The following EPB41L4A variants were observed in gnomAD, a reference collection of about 807,000 sequenced individuals.
EPB41L4A encodes band 4.1-like protein 4A.
In EPB41L4A, 100 loss-of-function variants were observed where a neutral mutation model predicts 108.6. The observed-to-expected ratio is 0.92, with a 90% CI of 0.78 to 1.09. The LOEUF (loss-of-function observed/expected upper bound fraction) is 1.09, where lower values mean the gene tolerates loss of function less well. EPB41L4A is among the 50% of genes least tolerant of loss of function. The probability of loss-of-function intolerance (pLI) is 0.00; values close to 1 mark genes in which losing one functional copy is unlikely to be tolerated. For synonymous variants in EPB41L4A, 319 were observed against 289.0 expected (o/e 1.10, Z -1.05); for missense variants, 1,030 against 842.7 (o/e 1.22, Z -2.75).
chr5:112,174,547 G>A (rs967348786), intron 18 of EPB41L4A, among the ~76,000 whole-genome samples: 2 of 152,138 alleles, frequency 1.3e-5, no homozygotes, highest in Non-Finnish European at 2.9e-5. Flanking sequence ...TTAGTTTGAT[G>A]ACACATCATT....
intron 1 of EPB41L4A, among the ~76,000 whole-genome samples, chr5:112,324,574 T>G (rs1196166102): frequency 6.6e-6 from 1 of 151,702 alleles, no homozygotes; most frequent in Non-Finnish European, 1.5e-5. Context: ...AATACAAAAA[T>G]TAGCCAGGCG....
At chr5:112,305,783 T>A (rs901335494) in intron 2 of EPB41L4A, among the ~76,000 whole-genome samples, 3 of 152,158 alleles carry the variant, frequency 2.0e-5, no homozygotes, top group Non-Finnish European at 2.9e-5. Flanking sequence ...TTCATGTCAT[T>A]TGCACACCTG....
chr5:112,304,001 C>G (rs1241355911), intron 2 of EPB41L4A, among the ~76,000 whole-genome samples: 2 of 152,060 alleles, frequency 1.3e-5, no homozygotes, highest in Admixed American at 6.5e-5. Flanking sequence ...TAAGATCCAG[C>G]TCACAGACAC....
intron 12 of EPB41L4A, among the ~76,000 whole-genome samples, chr5:112,148,176 T>TATAATAATATAATAGTATTACTATATAAC (rs1759336376): frequency 2.0e-5 from 3 of 147,926 alleles, no homozygotes; most frequent in African/African-American, 7.4e-5. Context: ...TACTATATAA[T>TATAATAATATAATAGTATTACTATATAAC]ATAATAATAT....
chr5:112,148,099 T>C (rs1207506425), intron 12 of EPB41L4A, among the ~76,000 whole-genome samples: 2 of 147,696 alleles, frequency 1.4e-5, no homozygotes, highest in African/African-American at 4.9e-5. Flanking sequence ...TACTATAATA[T>C]AATAGTATTA....
At chr5:112,228,571 A>G (rs921444467) in intron 12 of EPB41L4A, 4 of 264,550 alleles carry the variant, frequency 1.5e-5, no homozygotes, top group African/African-American at 9.2e-5. Flanking sequence ...GCATCAGATA[A>G]TCAAAGCCTT....
chr5:112,351,021 G>C (rs1222377482), intron 1 of EPB41L4A, among the ~76,000 whole-genome samples: 1 of 152,078 alleles, frequency 6.6e-6, no homozygotes, highest in Non-Finnish European at 1.5e-5. Context: ...TCATATGGTA[G>C]TTCTATTTTT....
intron 17 of EPB41L4A, among the ~76,000 whole-genome samples, chr5:112,189,495 C>G (rs2150249013): frequency 6.6e-6 from 1 of 152,288 alleles, no homozygotes; most frequent in East Asian, 1.9e-4. Flanking sequence ...CACAAACATG[C>G]AGCCTGACAC....
At chr5:112,209,814 T>G in intron 13 of EPB41L4A, 78 bp downstream of exon 13, 1 of 831,002 alleles carries the variant, frequency 1.2e-6, no homozygotes, top group Non-Finnish European at 1.9e-6. Context: ...AGTTAAAAGA[T>G]TTTTAACCTT....
chr5:112,267,125 AT>A (rs1561525644), intron 4 of EPB41L4A, among the ~76,000 whole-genome samples: 1 of 152,140 alleles, frequency 6.6e-6, no homozygotes, highest in East Asian at 1.9e-4. Context: ...TTATTCAGCT[AT>A]TCTGCTAGTG....
At position 112,170,492 on chromosome 5, in the gene EPB41L4A, T is replaced by C. The variant is rs1159818047; in HGVS notation, c.1671-123A>G. 3 of 655,560 alleles carry C rather than the reference T, an allele frequency of 4.6e-6. No homozygotes were observed. The Admixed American group carries it at 9.5e-5, about 21-fold the overall frequency. The allele number at this position is 655,560 out of a possible 1,614,324, so 40.6% of individuals were successfully genotyped here. On this transcript the variant is annotated intron_variant, in intron 19 of 22. Transcript: ENST00000261486. ...CCCAAAACAGTGTTAGTAAAACTAA[T>C]GAAAATTTATAAAAACTAAACGTGT...
intron 1 of EPB41L4A, among the ~76,000 whole-genome samples, chr5:112,311,673 A>C (rs1474586267): frequency 6.6e-6 from 1 of 152,122 alleles, no homozygotes. Context: ...GCACTGCTGC[A>C]CCCCAGCCTG....
chr5:112,228,959 G>C (rs565472412), intron 12 of EPB41L4A, among the ~76,000 whole-genome samples: 1 of 152,290 alleles, frequency 6.6e-6, no homozygotes, highest in Non-Finnish European at 1.5e-5. Flanking sequence ...AAACACAATG[G>C]CTTTTTAGCT....
chr5:112,278,632 A>G (rs1229463324), intron 3 of EPB41L4A, among the ~76,000 whole-genome samples: 1 of 152,188 alleles, frequency 6.6e-6, no homozygotes, highest in Admixed American at 6.5e-5. Context: ...ATTTCATACC[A>G]TGTAAATAAG....
At chr5:112,213,330 T>C (rs892020031) in intron 12 of EPB41L4A, among the ~76,000 whole-genome samples, 1 of 148,426 alleles carries the variant, frequency 6.7e-6, no homozygotes, top group African/African-American at 2.5e-5. Context: ...TGTTCACTGT[T>C]AACATGTACA....
chr5:112,314,152 C>G (rs1755254139), intron 1 of EPB41L4A, among the ~76,000 whole-genome samples: 2 of 151,976 alleles, frequency 1.3e-5, no homozygotes, highest in South Asian at 4.1e-4. Flanking sequence ...GCCACCGCAC[C>G]TGGCCACCGT....
At chr5:112,213,422 C>T (rs1354910420) in intron 12 of EPB41L4A, among the ~76,000 whole-genome samples, 1 of 151,228 alleles carries the variant, frequency 6.6e-6, no homozygotes, top group Non-Finnish European at 1.5e-5. Context: ...GATCTCAGCT[C>T]ACTGCAACCT....
intron 13 of EPB41L4A, among the ~76,000 whole-genome samples, chr5:112,145,730 T>A (rs545962616): frequency 2.6e-5 from 4 of 152,170 alleles, no homozygotes; most frequent in Non-Finnish European, 5.9e-5. Flanking sequence ...CATCCCAAAT[T>A]TGATAAACGT....
chr5:112,240,457 C>T (rs554580197), intron 10 of EPB41L4A, among the ~76,000 whole-genome samples: 9 of 152,230 alleles, frequency 5.9e-5, no homozygotes, highest in African/African-American at 1.9e-4. Flanking sequence ...TTTACATAAA[C>T]CTAAAAAATA....
Sources: gnomAD v4.1 joint callset for allele counts (sites outside exome capture counted in the v4.1 genomes callset) on GRCh38, gnomAD v4.1.1 for gene constraint, MANE v1.5 for transcripts, NCBI Gene and HGNC (gene_info 2026-07-23, HGNC 2026-07-21) for gene names.